ZC3H12B: variants seen among roughly 807,000 people sequenced by gnomAD.
The protein encoded by ZC3H12B is zinc finger CCCH-type containing 12B.
A neutral mutation model predicts 43.9 loss-of-function variants in ZC3H12B; 7 were observed. That is an observed-to-expected ratio of 0.16 (90% CI 0.09 to 0.30). The LOEUF (loss-of-function observed/expected upper bound fraction) is 0.30. ZC3H12B is among the 10% of genes least tolerant of loss of function. The pLI is 1.00. For synonymous variants in ZC3H12B, 222 were observed against 241.7 expected, an observed-to-expected ratio of 0.92 and a Z score of 0.76; for missense variants, 475 against 670.2, an observed-to-expected ratio of 0.71 and a Z score of 3.22.
chrX:65,102,386 G>A, the ZC3H12B span, among the ~76,000 whole-genome samples: 6 of 111,899 alleles, frequency 5.4e-5, no homozygotes, highest in Admixed American at 1.9e-4. Flanking sequence ...TCTGGCCAGA[G>A]CAATCAGGCA....
At chrX:65,449,022 A>G (rs974513574) in intron 3 of ZC3H12B, among the ~76,000 whole-genome samples, 66 of 103,204 alleles carry the variant, frequency 6.4e-4, no homozygotes, top group African/African-American at 2.2e-3. Flanking sequence ...AAGGAAGGAA[A>G]GAAGGAAAGA....
intron 3 of ZC3H12B, among the ~76,000 whole-genome samples, chrX:65,403,000 C>T (rs1195721372): frequency 8.9e-6 from 1 of 112,238 alleles, no homozygotes; most frequent in East Asian, 2.8e-4. Context: ...AGGGATCAAT[C>T]TTGGAGAAAC....
chrX:65,296,790 C>A, the ZC3H12B span, among the ~76,000 whole-genome samples: 1 of 111,051 alleles, frequency 9.0e-6, no homozygotes, highest in African/African-American at 3.3e-5. Context: ...AACAGCATAT[C>A]AAAAAGATAA....
chrX:65,223,243 CA>C, the ZC3H12B span, among the ~76,000 whole-genome samples: 21 of 110,025 alleles, frequency 1.9e-4, no homozygotes, highest in Admixed American at 6.8e-4. Context: ...CTTGGCCAGG[CA>C]TTATGGATCA....
chrX:65,346,868 G>A, the ZC3H12B span, among the ~76,000 whole-genome samples: 151 of 112,264 alleles, frequency 1.3e-3, 1 homozygote, highest in African/African-American at 4.8e-3. Context: ...GGCGGCTGTG[G>A]GTGCAGCTTC....
At chrX:65,230,823 A>G in the ZC3H12B span, among the ~76,000 whole-genome samples, 2 of 111,590 alleles carry the variant, frequency 1.8e-5, no homozygotes, top group Non-Finnish European at 3.8e-5. Flanking sequence ...GCTAATGAAC[A>G]TCAAAAATTT....
At chrX:65,071,368 G>T in the ZC3H12B span, among the ~76,000 whole-genome samples, 1 of 106,525 alleles carries the variant, frequency 9.4e-6, no homozygotes, top group South Asian at 4.3e-4. Flanking sequence ...TGGAAGATGG[G>T]TCTCTTGAAA....
the ZC3H12B span, among the ~76,000 whole-genome samples, chrX:65,082,075 T>C: frequency 1.3e-4 from 15 of 111,347 alleles, no homozygotes; most frequent in Admixed American, 8.5e-4. Flanking sequence ...TTAAAACAAA[T>C]GAAAATGGAA....
At chrX:65,140,859 G>C in the ZC3H12B span, among the ~76,000 whole-genome samples, 1 of 111,575 alleles carries the variant, frequency 9.0e-6, no homozygotes, top group Admixed American at 9.5e-5. Flanking sequence ...TTGGTACATA[G>C]TTGTTCTTAG....
chrX:65,380,662 C>A (rs1752570388), intron 2 of ZC3H12B, among the ~76,000 whole-genome samples: 1 of 111,722 alleles, frequency 9.0e-6, no homozygotes, highest in Non-Finnish European at 1.9e-5. Flanking sequence ...CACAGACTGG[C>A]AAACTGGATA....
At chrX:65,251,010 C>T in the ZC3H12B span, among the ~76,000 whole-genome samples, 1 of 111,882 alleles carries the variant, frequency 8.9e-6, no homozygotes, top group Non-Finnish European at 1.9e-5. Context: ...TAAGTCCTTG[C>T]CTATGCCGAT....
At chrX:65,469,586 A>G (rs2067878164) in intron 3 of ZC3H12B, 2 of 254,198 alleles carry the variant, frequency 7.9e-6, no homozygotes, top group Admixed American at 1.1e-4. Flanking sequence ...GAGCTCAGAT[A>G]CTACTGCCTC....
chrX:65,146,733 C>T, the ZC3H12B span, among the ~76,000 whole-genome samples: 1 of 111,660 alleles, frequency 9.0e-6, no homozygotes, highest in African/African-American at 3.3e-5. Context: ...TATCTCTCCC[C>T]TGGATCTAGC....
the ZC3H12B span, among the ~76,000 whole-genome samples, chrX:65,342,873 CAA>C: frequency 9.3e-6 from 1 of 107,918 alleles, no homozygotes; most frequent in African/African-American, 3.4e-5. Context: ...TCCAGGAATC[CAA>C]GAGTTTGTTT....
chrX:65,487,223 A>G (rs1212985817), upstream of ZC3H12B, among the ~76,000 whole-genome samples: 1 of 112,741 alleles, frequency 8.9e-6, no homozygotes, highest in Non-Finnish European at 1.9e-5. Context: ...TCTTCAAACC[A>G]TTAGAGGTTT....
the ZC3H12B span, among the ~76,000 whole-genome samples, chrX:65,199,248 C>T: frequency 9.3e-6 from 1 of 107,403 alleles, no homozygotes; most frequent in African/African-American, 3.4e-5. Flanking sequence ...CTTTCTTCTG[C>T]TTGATCAGTT....
At chrX:65,230,464 G>A in the ZC3H12B span, among the ~76,000 whole-genome samples, 1 of 108,627 alleles carries the variant, frequency 9.2e-6, no homozygotes, top group African/African-American at 3.4e-5. Context: ...CAGCACACCA[G>A]CATGGCACAT....
chrX:65,125,905 G>A, the ZC3H12B span, among the ~76,000 whole-genome samples: 2 of 110,975 alleles, frequency 1.8e-5, no homozygotes, highest in African/African-American at 6.5e-5. Context: ...AACTTGGTTG[G>A]TGAATTGTTA....
the ZC3H12B span, among the ~76,000 whole-genome samples, chrX:65,147,828 G>C: frequency 9.1e-6 from 1 of 110,454 alleles, no homozygotes; most frequent in Non-Finnish European, 1.9e-5. Context: ...TCCTGGGTCT[G>C]TGGGGGCTTA....
Sources: allele counts gnomAD v4.1 joint callset (sites outside exome capture counted in the v4.1 genomes callset), GRCh38; gene constraint gnomAD v4.1.1; transcripts MANE v1.5; gene names NCBI Gene and HGNC (gene_info 2026-07-23, HGNC 2026-07-21).